The following CCDC191 variants were observed in gnomAD, a reference collection of about 807,000 sequenced individuals.
The protein encoded by CCDC191 is coiled-coil domain containing 191, also known as coiled-coil domain-containing protein 191.
Under a neutral mutation model 114.0 loss-of-function variants are expected in CCDC191, and 99 were observed. That is an observed-to-expected ratio of 0.87 (90% confidence interval 0.74 to 1.03). The LOEUF (loss-of-function observed/expected upper bound fraction) is 1.03, where lower values mean the gene tolerates loss of function less well. CCDC191 is among the 50% of genes least tolerant of loss of function. CCDC191 has a pLI of 0.00. For missense variants in CCDC191, 973 were observed against 1,087.0 expected (o/e 0.90, Z 1.47); for synonymous variants, 351 against 376.0 (o/e 0.93, Z 0.77).
In CCDC191 at chr3:114,018,836, CT is replaced by C. The variant is rs1363599500; in HGVS notation, c.1004del (p.Lys335SerfsTer2). 1 of 1,613,698 alleles carries C rather than the reference CT, an allele frequency of 6.2e-7. No individual in the cohort carries two copies. The highest frequency in any genetic ancestry group is 2.2e-5 in the East Asian group (1 of 44,876). On this transcript the variant is annotated frameshift_variant, in exon 8 of 17. Coordinates refer to ENST00000295878, the MANE Select transcript of CCDC191 (RefSeq NM_020817.2). LOFTEE classifies it high-confidence loss of function. ...GCTTAATCCTATGATCAAGAATCAG[CT>C]TGTGCCAGGCAGCGAAATACCGTTT... ...CQKRYFAAWH[K>X]LILDHRIKLG...
chr3:114,031,896 G>A (rs962330853), intron 6 of CCDC191, 117 bp from the exon 7 acceptor site: 10 of 582,800 alleles, frequency 1.7e-5, no homozygotes, highest in Middle Eastern at 4.6e-4. Flanking sequence ...CATATTTTTA[G>A]ATCTGGCTCT....
intron 7 of CCDC191, 48 bp from the exon 8 acceptor site, chr3:114,018,916 T>C (rs1401237101): frequency 6.5e-7 from 1 of 1,529,568 alleles, no homozygotes; most frequent in Non-Finnish European, 9.0e-7. Context: ...CGCTAGTGTT[T>C]CTAATATCTA....
intron 1 of CCDC191, among the ~76,000 whole-genome samples, chr3:114,056,122 A>G (rs958339402): frequency 6.6e-6 from 1 of 152,174 alleles, no homozygotes; most frequent in Non-Finnish European, 1.5e-5. Context: ...GATGGGCATT[A>G]GCAGACACCT....
chr3:114,022,237 C>T (rs980994628), intron 7 of CCDC191, among the ~76,000 whole-genome samples: 11 of 152,132 alleles, frequency 7.2e-5, no homozygotes, highest in Admixed American at 3.3e-4. Context: ...GAGTTGCCCT[C>T]GTTCTGTTAG....
chr3:113,973,590 T>C (rs1941034755), intron 16 of CCDC191, among the ~76,000 whole-genome samples: 1 of 142,518 alleles, frequency 7.0e-6, no homozygotes, highest in Admixed American at 7.3e-5. Flanking sequence ...TATTCTTGGA[T>C]GGCAGGTTTT....
In CCDC191 at chr3:114,004,729, G is replaced by A. The variant is rs1374285782; in HGVS notation, c.1886C>T (p.Pro629Leu). 1.2e-6 allele frequency: 2 copies of A among 1,610,682 alleles called. No homozygotes were observed. Among genetic ancestry groups the A allele is most frequent in the Admixed American group, 1.7e-5 (1 of 59,342 alleles). ...GGAGTCACTTCTGCCTTCAGTCCCA[G>A]GGGAAGCAACAGGTGAACTAGGGAA... The part of the protein sequence containing the change: ...QMLVNSPVAS[P>L]GTEGRSDSRN... The change falls in exon 11 of 17, where the codon CCT becomes CTT. Residue 629 changes from proline (P) to leucine (L), a missense_variant. Coordinates refer to ENST00000295878, the MANE Select transcript of CCDC191 (RefSeq NM_020817.2).
intron 8 of CCDC191, among the ~76,000 whole-genome samples, chr3:114,013,026 G>T (rs1377803670): frequency 4.6e-5 from 7 of 152,102 alleles, no homozygotes; most frequent in African/African-American, 1.2e-4. Context: ...GAGGTGAGTG[G>T]ATCACTTGAG....
chr3:114,005,712 C>A lies in CCDC191; in HGVS notation c.1664G>T (p.Arg555Leu). ...EPLCLGHFHN[R>L]HVFQQQLIEK... ...AATCAGCTGTTGCTGGAAGACATGG[C>A]GGTTGTGGAAATGACCCAAGCAAAG... is the stretch of plus-strand genomic sequence containing the variant. Residue 555 changes from arginine to leucine, a missense_variant, in exon 10 of 17, where the codon CGC becomes CTC. By Grantham distance (102) the Arg-to-Leu change is moderately radical (BLOSUM62 -2). Transcript: ENST00000295878. The A allele has an allele frequency of 6.2e-7, 1 of 1,614,038 alleles. No individual in the cohort carries two copies. The highest frequency in any genetic ancestry group is 8.5e-7 in the Non-Finnish European group (1 of 1,179,968).
chr3:114,011,700 T>G (rs2076073184), intron 8 of CCDC191, among the ~76,000 whole-genome samples: 2 of 152,190 alleles, frequency 1.3e-5, no homozygotes, highest in South Asian at 4.1e-4. Flanking sequence ...TTCTACACCT[T>G]CCTAAGGAAG....
intron 8 of CCDC191, among the ~76,000 whole-genome samples, chr3:114,016,666 C>CT (rs1559911773): frequency 6.6e-6 from 1 of 152,062 alleles, no homozygotes. Flanking sequence ...CTGAGAAGAT[C>CT]TTTTTTAAAA....
rs1331393070 is a variant in CCDC191 at position 114,005,880 on chromosome 3, G to A, written c.1496C>T (p.Thr499Ile). The stretch of plus-strand genomic sequence containing the variant: ...AAGGGAACCCTGCAAGTTGCCTGTT[G>A]TTGTTCTTCCCAGGGGAGGACTGAG... ...CMLSPPLGRT[T>I]TGNLQGSLQN... The change falls in exon 10 of 17, where the codon ACA (threonine) becomes ATA (isoleucine). Residue 499 changes from threonine (T) to isoleucine (I), a missense_variant. By Grantham distance (89) the Thr-to-Ile change is moderately conservative (BLOSUM62 -1). Coordinates refer to ENST00000295878, the MANE Select transcript of CCDC191 (RefSeq NM_020817.2). 6.2e-7 allele frequency: 1 copy of A among 1,613,960 alleles called. No homozygotes were observed. Among genetic ancestry groups the A allele is most frequent in the South Asian group, 1.1e-5 (1 of 91,092 alleles).
intron 8 of CCDC191, among the ~76,000 whole-genome samples, chr3:114,015,131 G>C (rs1300436873): frequency 6.6e-6 from 1 of 151,984 alleles, no homozygotes; most frequent in East Asian, 1.9e-4. Flanking sequence ...TTTGGGCACT[G>C]TTTCCAGACA....
chr3:113,967,310 G>C (rs955795758), intron 16 of CCDC191, among the ~76,000 whole-genome samples: 2 of 152,056 alleles, frequency 1.3e-5, no homozygotes, highest in Non-Finnish European at 2.9e-5. Flanking sequence ...AGCTCCTGCT[G>C]TTCTACCCTA....
intron 7 of CCDC191, among the ~76,000 whole-genome samples, chr3:114,027,175 G>C (rs1390928747): frequency 6.6e-6 from 1 of 152,188 alleles, no homozygotes; most frequent in Admixed American, 6.5e-5. Flanking sequence ...TTTTTGACAA[G>C]ACATGAAATG....
At position 113,973,480 on chromosome 3, in the gene CCDC191, G is replaced by A. The variant is rs1489640349; in HGVS notation, c.2606+4706C>T. ...TGAAGAACTCCCTTTAACATTTCTT[G>A]TAAGATGGGTCTGGTGGTGGTGAAT... On this transcript the variant is annotated intron_variant, in intron 16 of 16. Coordinates refer to ENST00000295878, the MANE Select transcript of CCDC191 (RefSeq NM_020817.2). Among the ~76,000 whole-genome samples the A allele has an allele frequency of 3.3e-5, 5 of 152,056 alleles. No homozygotes were observed. In the East Asian group the frequency reaches 7.7e-4, roughly 23 times the overall value.
Position 113,978,909 on chromosome 3 carries a change from A to G in CCDC191, c.2409T>C (p.Asp803=). 1.2e-6 allele frequency: 2 copies of G among 1,614,058 alleles called. No homozygotes were observed. The highest frequency in any genetic ancestry group is 1.7e-6 in the Non-Finnish European group (2 of 1,179,958). ...ESLARKMAQA[D]QFYSQILLKR... is the part of the protein sequence containing the mutation. ...TAAGCAGTATTTGGGAATAAAATTGATCAGCCTGGGCCATCTTTCTAGCCA... is the reference window on the plus strand; with the variant it reads ...TAAGCAGTATTTGGGAATAAAATTGGTCAGCCTGGGCCATCTTTCTAGCCA... Residue 803 remains aspartate, a synonymous_variant, in exon 15 of 17, where the codon GAT becomes GAC. Coordinates refer to ENST00000295878, the MANE Select transcript of CCDC191 (RefSeq NM_020817.2).
chr3:114,018,878 A>T lies in CCDC191; in HGVS notation c.973-10T>A. 6.2e-7 allele frequency: 1 copy of T among 1,612,126 alleles called. No individual in the cohort carries two copies. Among genetic ancestry groups the T allele is most frequent in the South Asian group, 1.1e-5 (1 of 90,908 alleles). ...AATACCGTTTTTGACACTGCAGCGG[A>T]AATATTAGGAAAATCACCACCCATC... is the stretch of plus-strand genomic sequence containing the variant. On this transcript the variant is annotated splice_polypyrimidine_tract_variant and intron_variant, in intron 7 of 16. Transcript: ENST00000295878.
rs780318115 is a variant in CCDC191, at chr3:113,978,188, G to A, written c.2604C>T (p.Asp868=). ...TTTCCTCACTATCAAAACCTCACCT[G>A]TCACTGTGCTCCGCTGCAATCTCAT... is the stretch of plus-strand genomic sequence containing the variant. ...GKHEIAAEHS[D]RRILWITLRT... The change falls in exon 16 of 17, where the codon GAC becomes GAT. Residue 868 remains aspartate (D), a splice_region_variant and synonymous_variant. Transcript: ENST00000295878. 3.7e-6 allele frequency: 6 copies of A among 1,613,926 alleles called. No individual in the cohort carries two copies. The highest frequency in any genetic ancestry group is 1.1e-5 in the South Asian group (1 of 91,074).
intron 8 of CCDC191, among the ~76,000 whole-genome samples, chr3:114,014,480 C>A (rs776855330): frequency 9.9e-5 from 15 of 152,116 alleles, no homozygotes; most frequent in Non-Finnish European, 1.9e-4. Flanking sequence ...ACACTGAAAT[C>A]CAGAGTACTG....
Sources: gnomAD v4.1 joint callset for allele counts (sites outside exome capture counted in the v4.1 genomes callset) on GRCh38, gnomAD v4.1.1 for gene constraint, MANE v1.5 for transcripts, NCBI Gene and HGNC (gene_info 2026-07-23, HGNC 2026-07-21) for gene names.